The following CCT6A variants were observed in gnomAD, a reference collection of about 807,000 sequenced individuals.
CCT6A encodes the protein T-complex protein 1 subunit zeta.
In CCT6A, 6 loss-of-function variants were observed where a neutral mutation model predicts 58.6. The observed-to-expected ratio is 0.10, with a 90% CI of 0.06 to 0.20. CCT6A has a LOEUF of 0.20. Among genes scored for constraint, CCT6A ranks in the 10% least tolerant of loss-of-function variants. CCT6A has a pLI of 1.00. For synonymous variants in CCT6A, 245 were observed against 227.8 expected (o/e 1.08, Z -0.68); for missense variants, 516 against 648.8 (o/e 0.80, Z 2.22).
At chr7:56,062,842 T>C (rs1794496828) in intron 13 of CCT6A, 87 bp downstream of exon 13, 1 of 1,225,856 alleles carries the variant, frequency 8.2e-7, no homozygotes, top group South Asian at 1.2e-5. Flanking sequence ...CTTTCCCCCA[T>C]GAATAATGTG....
chr7:56,061,081 C>G (rs1794421528), intron 11 of CCT6A, 141 bp downstream of exon 11: 1 of 852,314 alleles, frequency 1.2e-6, no homozygotes, highest in African/African-American at 1.7e-5. Flanking sequence ...AGGTATTCCT[C>G]ATCATCCAGA....
At chr7:56,058,933 G>T (rs995276203) in intron 8 of CCT6A, 1 of 327,432 alleles carries the variant, frequency 3.1e-6, no homozygotes, top group Non-Finnish European at 5.6e-6. Flanking sequence ...CTTGCCCCTT[G>T]TAAACATTAT....
At chr7:56,055,014 C>G (rs1374402934) in intron 3 of CCT6A, among the ~76,000 whole-genome samples, 3 of 152,082 alleles carry the variant, frequency 2.0e-5, no homozygotes, top group African/African-American at 7.2e-5. Flanking sequence ...TGGCTCACGC[C>G]CATAATCCCA....
rs1241687100 is a variant in CCT6A at position 56,063,403 on chromosome 7, A to G, written c.*318A>G. 7.0e-6 allele frequency: 2 copies of G among 286,184 alleles called. No homozygotes were observed. Among genetic ancestry groups the G allele is most frequent in the Non-Finnish European group, 1.3e-5 (2 of 151,658 alleles). The allele number at this position is 286,184 out of a possible 1,614,324, so 17.7% of individuals were successfully genotyped here. A position where few individuals can be genotyped will look rare whatever the true frequency, so the allele number is the denominator to read the frequency against. On this transcript the variant is annotated 3_prime_UTR_variant, in exon 14 of 14. Coordinates refer to ENST00000275603, the MANE Select transcript of CCT6A (RefSeq NM_001762.4). ...GTTATTAAATATTTCTTGAAAAGCA[A>G]ATTTTAATGGTTTAATTTTATGTGG...
chr7:56,059,857 A>ATTT, intron 9 of CCT6A: 1 of 384,940 alleles, frequency 2.6e-6, no homozygotes, highest in Non-Finnish European at 4.7e-6. Flanking sequence ...TGACTGGCTA[A>ATTT]TTTTTTTTTT....
At chr7:56,062,174 G>C (rs1370872442) in intron 12 of CCT6A, 2 of 223,312 alleles carry the variant, frequency 9.0e-6, no homozygotes, top group Admixed American at 1.0e-4. Flanking sequence ...AATAGATGTG[G>C]TGATTATATT....
chr7:56,058,327 T>A (rs1325381751), intron 6 of CCT6A, 35 bp from the exon 7 acceptor site: 4 of 1,485,796 alleles, frequency 2.7e-6, no homozygotes, highest in Non-Finnish European at 3.6e-6. Context: ...TCTTAATGTT[T>A]CCCTGCTTTC....
chr7:56,060,512 A>G, intron 10 of CCT6A, 96 bp downstream of exon 10: 1 of 1,309,458 alleles, frequency 7.6e-7, no homozygotes. Flanking sequence ...TTACACAGCC[A>G]GACACCATGC....
chr7:56,059,310 C>G (rs956249461), intron 8 of CCT6A, among the ~76,000 whole-genome samples: 1 of 152,092 alleles, frequency 6.6e-6, no homozygotes, highest in Non-Finnish European at 1.5e-5. Flanking sequence ...TAATAAAGAG[C>G]TCTTGTCCAC....
intron 5 of CCT6A, 30 bp downstream of exon 5, chr7:56,056,444 T>C: frequency 1.9e-6 from 2 of 1,075,734 alleles, no homozygotes; most frequent in Non-Finnish European, 2.9e-6. Context: ...GAAATACTAA[T>C]GGGCATGGAG....
chr7:56,052,070 G>A (rs2117318267), intron 1 of CCT6A, 85 bp downstream of exon 1: 2 of 1,158,240 alleles, frequency 1.7e-6, no homozygotes, highest in Non-Finnish European at 2.2e-6. Context: ...ACTGGAGCCC[G>A]CCGCCTCGGG....
chr7:56,059,731 C>T (rs779118630), intron 9 of CCT6A, 91 bp downstream of exon 9: 109 of 685,834 alleles, frequency 1.6e-4, no homozygotes, highest in Non-Finnish European at 2.2e-4. Context: ...CACTCCTGCC[C>T]GGGCTGGAGT....
Position 56,056,333 on chromosome 7 carries a change from C to T in CCT6A, c.533C>T (p.Ala178Val). 1 of 1,586,184 alleles carries T rather than the reference C, an allele frequency of 6.3e-7. No individual in the cohort carries two copies. The highest frequency in any genetic ancestry group is 8.7e-7 in the Non-Finnish European group (1 of 1,154,560). ...CAGGCTGTAGTGGACTCCATTTTGG[C>T]CATTAAAAAGCAAGATGAACCTATT... The part of the protein sequence containing the change: ...LTEAVVDSIL[A>V]IKKQDEPIDL... The change falls in exon 5 of 14, where the codon GCC (alanine) becomes GTC (valine). Residue 178 changes from alanine (A) to valine (V), a missense_variant. By Grantham distance (64) the Ala-to-Val change is moderately conservative. Transcript: ENST00000275603.
chr7:56,058,377 C>A lies in CCT6A; in HGVS notation c.741C>A (p.Gly247=). ...TTCTTAATAGAGAAGTGAATTCTGG[C>A]TTTTTTTACAAGAGTGCAGAAGAGA... ...LEYEKTEVNS[G]FFYKSAEERE... The change falls in exon 7 of 14, where the codon GGC becomes GGA. Residue 247 remains glycine (G), a synonymous_variant. Transcript: ENST00000275603. The A allele has an allele frequency of 6.4e-7, 1 of 1,570,482 alleles. No individual in the cohort carries two copies. Among genetic ancestry groups the A allele is most frequent in the Non-Finnish European group, 8.6e-7 (1 of 1,166,858 alleles).
At chr7:56,054,701 T>C (rs552523461) in intron 3 of CCT6A, among the ~76,000 whole-genome samples, 198 bp downstream of exon 3, 2 of 152,358 alleles carry the variant, frequency 1.3e-5, no homozygotes, top group South Asian at 4.1e-4. Context: ...AAAATAATTT[T>C]GTAATCAAGT....
At position 56,062,957 on chromosome 7, in the gene CCT6A, G is replaced by C. The variant is rs113613588; in HGVS notation, c.1524-56G>C. 7.9e-6 allele frequency: 11 copies of C among 1,395,052 alleles called. No individual in the cohort carries two copies. The African/African-American group carries it at 9.9e-5, about 13-fold the overall frequency. 86.4% of individuals were successfully genotyped at this position (1,395,052 alleles called of 1,614,324 possible). A position where few individuals can be genotyped will look rare whatever the true frequency, so the allele number is the denominator to read the frequency against. On this transcript the variant is annotated intron_variant, in intron 13 of 13. Coordinates refer to ENST00000275603, the MANE Select transcript of CCT6A (RefSeq NM_001762.4). ...GCAGCTTGGTTGGAAGTGGGAAGTT[G>C]AGTCGAATTAGGGCTCCTAATCATC...
chr7:56,053,017 CG>C (rs2117329793), intron 2 of CCT6A, among the ~76,000 whole-genome samples: 1 of 152,238 alleles, frequency 6.6e-6, no homozygotes, highest in South Asian at 2.1e-4. Flanking sequence ...TGGTCTTGAA[CG>C]CCTGACTTCA....
intron 12 of CCT6A, 179 bp from the exon 13 acceptor site, chr7:56,062,504 A>AT: frequency 1.6e-6 from 1 of 639,176 alleles, no homozygotes; most frequent in Admixed American, 2.6e-5. Context: ...TAAGTCAGAC[A>AT]TTCATCAAAT....
At chr7:56,057,361 GGT>G (rs55848963) in intron 5 of CCT6A, among the ~76,000 whole-genome samples, 5 of 150,808 alleles carry the variant, frequency 3.3e-5, no homozygotes, top group South Asian at 4.2e-4. Flanking sequence ...TTCCCTTTGG[GGT>G]GTGTGTGTGT....
Sources: allele counts gnomAD v4.1 joint callset (sites outside exome capture counted in the v4.1 genomes callset), GRCh38; gene constraint gnomAD v4.1.1; transcripts MANE v1.5; gene names NCBI Gene and HGNC (gene_info 2026-07-23, HGNC 2026-07-21).